Variants in NELL1 observed in about 807,000 individuals in gnomAD.
The protein encoded by NELL1 is neural EGFL like 1, also known as protein kinase C-binding protein NELL1.
A neutral mutation model predicts 107.4 loss-of-function variants in NELL1; 76 were observed. The ratio of observed to expected loss-of-function variants is 0.71; its 90% CI spans 0.59 to 0.86. The LOEUF (loss-of-function observed/expected upper bound fraction) is 0.86, where lower values mean the gene tolerates loss of function less well. Among genes scored for constraint, NELL1 ranks in the 40% least tolerant of loss-of-function variants. NELL1 has a pLI of 0.00. For synonymous variants in NELL1, 353 were observed against 341.2 expected, an observed-to-expected ratio of 1.03 and a Z score of -0.38; for missense variants, 1,024 against 1,005.5, an observed-to-expected ratio of 1.02 and a Z score of -0.25.
chr11:21,486,936 A>G (rs1854648027), intron 15 of NELL1, among the ~76,000 whole-genome samples: 1 of 152,164 alleles, frequency 6.6e-6, no homozygotes, highest in Non-Finnish European at 1.5e-5. Context: ...AAAAAGGCCT[A>G]GAAAAGAATG....
At chr11:21,230,286 C>G (rs1858012235) in intron 14 of NELL1, among the ~76,000 whole-genome samples, 1 of 152,124 alleles carries the variant, frequency 6.6e-6, no homozygotes, top group African/African-American at 2.4e-5. Flanking sequence ...AGCTCCATGA[C>G]AGTGAACACT....
At chr11:21,076,189 G>T (rs957069313) in intron 12 of NELL1, among the ~76,000 whole-genome samples, 11 of 152,352 alleles carry the variant, frequency 7.2e-5, no homozygotes, top group African/African-American at 1.9e-4. Flanking sequence ...AACGCCTTCA[G>T]TGTTTAGGAT....
At position 20,928,432 on chromosome 11, in the gene NELL1, A is replaced by G; in HGVS notation, c.950A>G (p.Asp317Gly). The G allele has an allele frequency of 6.2e-7, 1 of 1,613,368 alleles. No homozygotes were observed. Among genetic ancestry groups the G allele is most frequent in the Non-Finnish European group, 8.5e-7 (1 of 1,179,846 alleles). The change falls in exon 9 of 20, where the codon GAC (aspartate) becomes GGC (glycine). Residue 317 changes from aspartate (D) to glycine (G), a missense_variant. By Grantham distance (94) the Asp-to-Gly change is moderately conservative (BLOSUM62 -1). Transcript: ENST00000357134. Reference protein sequence around the residue: ...MSCPPLNCSPDSLPVHIAGQC... With the variant: ...MSCPPLNCSPGSLPVHIAGQC... ...TGTCCCCCTCTCAATTGCTCCCCAG[A>G]CTCCCTCCCAGTGCACATTGCTGGC... is the stretch of plus-strand genomic sequence containing the variant.
intron 15 of NELL1, among the ~76,000 whole-genome samples, chr11:21,463,913 T>G (rs1322419293): frequency 6.6e-6 from 1 of 152,092 alleles, no homozygotes; most frequent in Non-Finnish European, 1.5e-5. Context: ...ACTTTTTTAC[T>G]AACACATCTG....
At chr11:20,780,012 T>A (rs1856822878) in intron 2 of NELL1, among the ~76,000 whole-genome samples, 1 of 152,234 alleles carries the variant, frequency 6.6e-6, no homozygotes, top group African/African-American at 2.4e-5. Flanking sequence ...TTTTAACATC[T>A]GGATCATGGT....
chr11:20,791,401 T>G (rs1857070507), intron 3 of NELL1, among the ~76,000 whole-genome samples: 1 of 152,242 alleles, frequency 6.6e-6, no homozygotes, highest in Non-Finnish European at 1.5e-5. Flanking sequence ...AGAAAGGAAA[T>G]TAATTTTTGC....
At chr11:21,165,346 C>T (rs1856456128) in intron 13 of NELL1, among the ~76,000 whole-genome samples, 1 of 152,318 alleles carries the variant, frequency 6.6e-6, no homozygotes, top group South Asian at 2.1e-4. Context: ...ATGCTGATGA[C>T]TTCAGAATTT....
chr11:21,374,877 CTGTGTGTGTCTGTGTGTGTGTGTG>C (rs1158563997), intron 15 of NELL1, among the ~76,000 whole-genome samples: 3 of 89,808 alleles, frequency 3.3e-5, no homozygotes, highest in African/African-American at 1.3e-4. Context: ...GTGGAACTGA[CTGTGTGTGTCTGTGTGTGTGTGTG>C]TGTGTGTGTG....
chr11:21,030,648 T>C (rs1287320912), intron 12 of NELL1, among the ~76,000 whole-genome samples: 1 of 150,386 alleles, frequency 6.6e-6, no homozygotes, highest in Admixed American at 6.6e-5. Context: ...TTTTTACTTA[T>C]TTAACCTTGT....
At chr11:20,857,156 G>C (rs1222853625) in intron 4 of NELL1, among the ~76,000 whole-genome samples, 1 of 152,190 alleles carries the variant, frequency 6.6e-6, no homozygotes, top group Non-Finnish European at 1.5e-5. Context: ...GTATAAGGGA[G>C]AGCCAGCCTT....
intron 3 of NELL1, among the ~76,000 whole-genome samples, chr11:20,803,432 T>C (rs1296366905): frequency 1.3e-5 from 2 of 152,190 alleles, no homozygotes; most frequent in Non-Finnish European, 2.9e-5. Context: ...TTATTTGTTA[T>C]CTCTTTTTTC....
intron 15 of NELL1, among the ~76,000 whole-genome samples, chr11:21,447,701 C>T (rs974928937): frequency 2.6e-5 from 4 of 152,090 alleles, no homozygotes; most frequent in African/African-American, 9.7e-5. Flanking sequence ...CAAGAAAACC[C>T]CTTAGCCACC....
chr11:21,155,723 G>A (rs1468713111), intron 13 of NELL1, among the ~76,000 whole-genome samples: 1 of 152,078 alleles, frequency 6.6e-6, no homozygotes, highest in East Asian at 1.9e-4. Flanking sequence ...GAGTGATTAG[G>A]AAGTGAAGAT....
At chr11:20,832,408 T>C (rs1858030553) in intron 3 of NELL1, among the ~76,000 whole-genome samples, 1 of 152,238 alleles carries the variant, frequency 6.6e-6, no homozygotes, top group African/African-American at 2.4e-5. Flanking sequence ...ATTATTTTGT[T>C]AACATCTGTC....
At chr11:21,062,627 C>T (rs1853768931) in intron 12 of NELL1, among the ~76,000 whole-genome samples, 1 of 152,114 alleles carries the variant, frequency 6.6e-6, no homozygotes, top group African/African-American at 2.4e-5. Flanking sequence ...CACTAACCCC[C>T]TGGAATTACC....
chr11:20,683,003 T>C (rs1854226161), intron 2 of NELL1, among the ~76,000 whole-genome samples: 1 of 151,032 alleles, frequency 6.6e-6, no homozygotes, highest in South Asian at 2.1e-4. Context: ...TCAGCGTATT[T>C]AGACTATTTA....
chr11:21,217,729 T>TAAA (rs1857650456), intron 13 of NELL1, among the ~76,000 whole-genome samples: 8 of 152,176 alleles, frequency 5.3e-5, no homozygotes, highest in South Asian at 2.1e-4. Flanking sequence ...TTACAATTTT[T>TAAA]TAAGATATGT....
chr11:21,479,070 A>T (rs1238948022), intron 15 of NELL1, among the ~76,000 whole-genome samples: 2 of 152,144 alleles, frequency 1.3e-5, no homozygotes, highest in East Asian at 1.9e-4. Flanking sequence ...AGAAAGGAGA[A>T]CCTTCTTTCT....
At chr11:21,405,247 G>A (rs1852207650) in intron 15 of NELL1, among the ~76,000 whole-genome samples, 1 of 151,908 alleles carries the variant, frequency 6.6e-6, no homozygotes, top group Non-Finnish European at 1.5e-5. Flanking sequence ...CTTTGACACT[G>A]TGCATTTCAA....
Sources: allele counts gnomAD v4.1 joint callset (sites outside exome capture counted in the v4.1 genomes callset), GRCh38; gene constraint gnomAD v4.1.1; transcripts MANE v1.5; gene names NCBI Gene and HGNC (gene_info 2026-07-23, HGNC 2026-07-21).